ANGPT4: variants seen among roughly 807,000 people sequenced by gnomAD.
ANGPT4 encodes the protein angiopoietin 4.
ANGPT4 carries 50 observed loss-of-function variants against 53.0 expected under a neutral mutation model. The observed-to-expected ratio is 0.94, with a 90% CI of 0.75 to 1.20. The LOEUF is 1.20. Among genes scored for constraint, ANGPT4 ranks in the 50% most tolerant of loss-of-function variants. The pLI is 0.00. For synonymous variants in ANGPT4, 251 were observed against 259.7 expected, an observed-to-expected ratio of 0.97 and a Z score of 0.32; for missense variants, 648 against 637.1, an observed-to-expected ratio of 1.02 and a Z score of -0.18.
chr20:903,441 T>C (rs1237929716), intron 1 of ANGPT4, among the ~76,000 whole-genome samples: 2 of 152,026 alleles, frequency 1.3e-5, no homozygotes, highest in Non-Finnish European at 2.9e-5. Context: ...CTAGCAGGGA[T>C]CAAAGCTTCC....
chr20:911,490 G>C lies in ANGPT4; in HGVS notation c.309+4416C>G, dbSNP rs961711366. Among the ~76,000 whole-genome samples the C allele has an allele frequency of 6.6e-6, 1 of 152,168 alleles. No individual in the cohort carries two copies. Among genetic ancestry groups the C allele is most frequent in the Non-Finnish European group, 1.5e-5 (1 of 68,032 alleles). ...TAGAGGTGGGAGGGATGGCCTTGGG[G>C]TGAGAAAAGGAGGAGCTGAGAAAGA... On this transcript the variant is annotated intron_variant, in intron 1 of 8. Coordinates refer to ENST00000381922, the MANE Select transcript of ANGPT4 (RefSeq NM_015985.4). The surrounding 1 kb of genome is among the most constrained non-coding windows in gnomAD (Gnocchi z 4.9).
intron 5 of ANGPT4, among the ~76,000 whole-genome samples, chr20:880,578 AC>A (rs577483259): frequency 8.7e-4 from 130 of 149,164 alleles, no homozygotes; most frequent in Admixed American, 3.8e-3. Flanking sequence ...CCAGAGCAAG[AC>A]CCTGTCTCAA....
intron 1 of ANGPT4, among the ~76,000 whole-genome samples, chr20:895,003 A>G (rs1055273460): frequency 6.6e-6 from 1 of 152,098 alleles, no homozygotes; most frequent in East Asian, 1.9e-4. Context: ...ACACCCGCCC[A>G]CCAGCACAGG....
chr20:909,213 C>T (rs967498105), intron 1 of ANGPT4, among the ~76,000 whole-genome samples: 1 of 152,122 alleles, frequency 6.6e-6, no homozygotes, highest in Non-Finnish European at 1.5e-5. Flanking sequence ...GTTTATAAGA[C>T]ACATATAAAG....
At chr20:890,138 G>T in intron 2 of ANGPT4, 75 bp downstream of exon 2, 2 of 1,547,416 alleles carry the variant, frequency 1.3e-6, no homozygotes, top group Non-Finnish European at 1.8e-6. Flanking sequence ...CAGAGATCAA[G>T]GTAAGATGAC....
chr20:879,849 CT>C lies in ANGPT4; in HGVS notation c.952-2del. 6.2e-7 allele frequency: 1 copy of C among 1,610,502 alleles called. No individual in the cohort carries two copies. Reference sequence around the variant, plus strand: ...CACTGCTCTGCAGGTCACAGAACACCTGGAGGGGGTGGGCAAGGCACAGCTG... The same window carrying C: ...CACTGCTCTGCAGGTCACAGAACACCGGAGGGGGTGGGCAAGGCACAGCTG... On this transcript the variant is annotated splice_acceptor_variant, in intron 5 of 8. Coordinates refer to ENST00000381922, the MANE Select transcript of ANGPT4 (RefSeq NM_015985.4). LOFTEE classifies it high-confidence loss of function.
At chr20:881,101 G>A (rs41282974) in intron 5 of ANGPT4, 70 bp downstream of exon 5, 24,872 of 1,241,206 alleles carry the variant, frequency 0.02, 361 homozygotes, top group Non-Finnish European at 0.024. Flanking sequence ...GATGGGGTGC[G>A]GGGTGTCTGT....
Position 885,215 on chromosome 20 carries a change from G to A in ANGPT4, c.698C>T (p.Ala233Val). The stretch of plus-strand genomic sequence containing the variant: ...CAGGCCGCGCTCGATGTTGGTGAGG[G>A]CGGCGCTCTGGCGGCTCAGCGTGTT... Reference protein sequence around the residue: ...LLNTLSRQSAALTNIERGLRG... With the variant: ...LLNTLSRQSAVLTNIERGLRG... The change falls in exon 4 of 9, where the codon GCC becomes GTC. Residue 233 changes from alanine to valine, a missense_variant. Transcript: ENST00000381922. 1.3e-6 allele frequency: 2 copies of A among 1,594,210 alleles called. No individual in the cohort carries two copies. The highest frequency in any genetic ancestry group is 1.1e-5 in the South Asian group (1 of 88,542).
At chr20:903,993 C>T (rs1474914743) in intron 1 of ANGPT4, among the ~76,000 whole-genome samples, 4 of 152,196 alleles carry the variant, frequency 2.6e-5, no homozygotes, top group Admixed American at 6.5e-5. Flanking sequence ...AGGCTGTACA[C>T]AGGAGCTAAT....
rs1982591058 is a variant in ANGPT4 at position 908,939 on chromosome 20, C to T, written c.309+6967G>A. ...GGTGTCAGGAACCCTGGGTTCTGGG[C>T]CAACTCCTGCCACCGACCCTTGGGT... On this transcript the variant is annotated intron_variant, in intron 1 of 8. Coordinates refer to ENST00000381922, the MANE Select transcript of ANGPT4 (RefSeq NM_015985.4). This position sits in a 1 kb window ranked among gnomAD's most constrained non-coding sequence, Gnocchi z 4.9. Among the ~76,000 whole-genome samples, 1 of 152,102 alleles carries T rather than the reference C, an allele frequency of 6.6e-6. No individual in the cohort carries two copies.
chr20:909,336 A>G (rs895449848), intron 1 of ANGPT4, among the ~76,000 whole-genome samples: 4 of 152,178 alleles, frequency 2.6e-5, no homozygotes, highest in East Asian at 1.9e-4. Context: ...GAGCAGTGCC[A>G]GGCACATCCC....
chr20:891,563 C>A (rs562711493), intron 1 of ANGPT4, among the ~76,000 whole-genome samples: 1 of 152,162 alleles, frequency 6.6e-6, no homozygotes, highest in African/African-American at 2.4e-5. Context: ...ACCATGCCCC[C>A]CACCCCTGTC....
At chr20:902,706 A>G (rs1489137794) in intron 1 of ANGPT4, among the ~76,000 whole-genome samples, 1 of 151,996 alleles carries the variant, frequency 6.6e-6, no homozygotes, top group African/African-American at 2.4e-5. Context: ...TTTACATTTC[A>G]AAAAAAAATT....
At chr20:873,752 C>A (rs569991663) in intron 8 of ANGPT4, among the ~76,000 whole-genome samples, 27 of 152,254 alleles carry the variant, frequency 1.8e-4, no homozygotes, top group Admixed American at 1.1e-3. Flanking sequence ...TGCTCAATGA[C>A]TCTGACAGCC....
In ANGPT4 at chr20:908,400, G is replaced by A. The variant is rs974138928; in HGVS notation, c.309+7506C>T. 2.6e-5 allele frequency among the ~76,000 whole-genome samples: 4 copies of A among 152,158 alleles called. No individual in the cohort carries two copies. The highest frequency in any genetic ancestry group is 5.9e-5 in the Non-Finnish European group (4 of 68,028). ...TGTCCCGTGTGCCTGGAATGCTTTT[G>A]CTTCCTTTCCCTGTCTCGCCACTGC... On this transcript the variant is annotated intron_variant, in intron 1 of 8. Coordinates refer to ENST00000381922, the MANE Select transcript of ANGPT4 (RefSeq NM_015985.4). This position sits in a 1 kb window ranked among gnomAD's most constrained non-coding sequence, Gnocchi z 4.9.
intron 1 of ANGPT4, among the ~76,000 whole-genome samples, chr20:899,602 A>C (rs555793531): frequency 3.3e-5 from 5 of 152,142 alleles, no homozygotes; most frequent in Non-Finnish European, 7.4e-5. Flanking sequence ...CCACCTGCCC[A>C]GTACCCTTAT....
intron 1 of ANGPT4, among the ~76,000 whole-genome samples, chr20:901,020 T>A (rs1982264384): frequency 3.3e-5 from 5 of 152,128 alleles, no homozygotes; most frequent in Admixed American, 3.3e-4. Flanking sequence ...TACCCCAAAA[T>A]CTTTCTTCAG....
At chr20:888,543 A>C in intron 2 of ANGPT4, 104 bp from the exon 3 acceptor site, 2 of 1,487,504 alleles carry the variant, frequency 1.3e-6, no homozygotes, top group East Asian at 2.4e-5. Flanking sequence ...AAACTTACCC[A>C]TTTCCACTCT....
chr20:872,951 A>G lies in ANGPT4; in HGVS notation c.*9T>C. 3 of 1,613,776 alleles carry G rather than the reference A, an allele frequency of 1.9e-6. No homozygotes were observed. The highest frequency in any genetic ancestry group is 1.1e-5 in the South Asian group (1 of 91,080). On this transcript the variant is annotated 3_prime_UTR_variant, in exon 9 of 9. Coordinates refer to ENST00000381922, the MANE Select transcript of ANGPT4 (RefSeq NM_015985.4). ...TCCTGTGTGGTCCAGCCTCTGGCAC[A>G]GCTGCTCGTTAGATGTCCAAAGGCC...
Sources: allele counts gnomAD v4.1 joint callset (sites outside exome capture counted in the v4.1 genomes callset), GRCh38; gene constraint gnomAD v4.1.1; non-coding constraint Gnocchi (gnomAD v3.1); transcripts MANE v1.5; gene names NCBI Gene and HGNC (gene_info 2026-07-23, HGNC 2026-07-21).